Variants in VEPH1 observed in about 807,000 individuals in gnomAD.
VEPH1 encodes ventricular zone expressed PH domain containing 1.
A neutral mutation model predicts 85.2 loss-of-function variants in VEPH1; 80 were observed. The ratio of observed to expected loss-of-function variants is 0.94; its 90% confidence interval spans 0.78 to 1.13. The LOEUF is 1.13. VEPH1 is among the 50% of genes most tolerant of loss of function. The pLI is 0.00. For synonymous variants in VEPH1, 297 were observed against 348.0 expected, an observed-to-expected ratio of 0.85 and a Z score of 1.63; for missense variants, 955 against 980.5, an observed-to-expected ratio of 0.97 and a Z score of 0.35.
chr3:157,352,365 T>G (rs1429463774), intron 9 of VEPH1, among the ~76,000 whole-genome samples: 2 of 152,238 alleles, frequency 1.3e-5, no homozygotes, highest in African/African-American at 4.8e-5. Flanking sequence ...TATAGGCTGC[T>G]TCACGTATTG....
At chr3:157,302,668 A>G (rs1186986821) in intron 11 of VEPH1, among the ~76,000 whole-genome samples, 3 of 152,210 alleles carry the variant, frequency 2.0e-5, no homozygotes, top group Admixed American at 6.5e-5. Context: ...AGTTAATAGT[A>G]TTTTGTTATA....
chr3:157,463,112 G>A (rs1373828788), intron 3 of VEPH1, among the ~76,000 whole-genome samples: 1 of 152,168 alleles, frequency 6.6e-6, no homozygotes, highest in Admixed American at 6.5e-5. Flanking sequence ...TGTGCCTGAG[G>A]CCAGTTATAT....
chr3:157,318,212 G>A (rs112734602), intron 9 of VEPH1, among the ~76,000 whole-genome samples: 6 of 152,286 alleles, frequency 3.9e-5, no homozygotes, highest in African/African-American at 1.4e-4. Flanking sequence ...TGTTTTAGGC[G>A]CTACTATACT....
chr3:157,270,236 C>T (rs769280556), intron 12 of VEPH1, among the ~76,000 whole-genome samples: 43 of 151,438 alleles, frequency 2.8e-4, no homozygotes, highest in Admixed American at 2.0e-3. Context: ...CATGCCACTG[C>T]ACTCCAGCCT....
chr3:157,459,596 G>T (rs977250678), intron 4 of VEPH1: 3 of 1,189,262 alleles, frequency 2.5e-6, no homozygotes, highest in African/African-American at 1.6e-5. Flanking sequence ...TGAAACCAAA[G>T]AAAATAAAAG....
chr3:157,425,829 A>G (rs1732714540), intron 5 of VEPH1, among the ~76,000 whole-genome samples: 1 of 152,100 alleles, frequency 6.6e-6, no homozygotes, highest in Non-Finnish European at 1.5e-5. Flanking sequence ...ATGTAATGTT[A>G]TGGTTTGGCT....
intron 8 of VEPH1, 46 bp downstream of exon 8, chr3:157,364,257 C>T (rs569291625): frequency 4.8e-5 from 70 of 1,444,140 alleles, no homozygotes; most frequent in Middle Eastern, 2.2e-4. Flanking sequence ...AAGCTAATAG[C>T]GAACATGAAG....
chr3:157,279,216 A>T (rs541355380), intron 12 of VEPH1, among the ~76,000 whole-genome samples: 1 of 152,286 alleles, frequency 6.6e-6, no homozygotes, highest in East Asian at 1.9e-4. Context: ...GAAAGGTGGG[A>T]TAAGAAGGAG....
chr3:157,315,653 A>T (rs71310502), intron 10 of VEPH1, among the ~76,000 whole-genome samples: 4 of 152,034 alleles, frequency 2.6e-5, no homozygotes, highest in Non-Finnish European at 4.4e-5. Flanking sequence ...TGGAAAAAGA[A>T]AGAAACCATT....
chr3:157,401,141 GA>G (rs1198978069), intron 6 of VEPH1, among the ~76,000 whole-genome samples: 1 of 152,106 alleles, frequency 6.6e-6, no homozygotes, highest in Non-Finnish European at 1.5e-5. Context: ...TTTAGTAAAT[GA>G]GGTGCAATCT....
intron 6 of VEPH1, among the ~76,000 whole-genome samples, chr3:157,402,255 A>G (rs1324625548): frequency 6.6e-6 from 1 of 152,050 alleles, no homozygotes; most frequent in East Asian, 1.9e-4. Flanking sequence ...CTTACCCCCT[A>G]GCTTTATTTT....
At chr3:157,288,405 C>A (rs961413061) in intron 11 of VEPH1, among the ~76,000 whole-genome samples, 1 of 152,186 alleles carries the variant, frequency 6.6e-6, no homozygotes, top group Non-Finnish European at 1.5e-5. Flanking sequence ...AAGTGGCTAT[C>A]CTGATTGCAT....
At chr3:157,459,965 T>C (rs752962181) in intron 4 of VEPH1, 51 of 1,537,518 alleles carry the variant, frequency 3.3e-5, no homozygotes, top group Admixed American at 7.8e-5. Flanking sequence ...TACAATTCTT[T>C]TAATGAGTCT....
chr3:157,300,819 A>G (rs554850358), intron 11 of VEPH1, among the ~76,000 whole-genome samples: 2 of 152,356 alleles, frequency 1.3e-5, no homozygotes, highest in Non-Finnish European at 2.9e-5. Flanking sequence ...GCCCTCATGT[A>G]TATCTGTTAA....
chr3:157,477,662 G>A (rs541347117), intron 2 of VEPH1, among the ~76,000 whole-genome samples: 215 of 152,246 alleles, frequency 1.4e-3, no homozygotes, highest in African/African-American at 4.8e-3. Flanking sequence ...AAAGTAGAGA[G>A]AATGACTTAT....
chr3:157,335,301 G>A (rs1007792798), intron 9 of VEPH1, among the ~76,000 whole-genome samples: 59 of 152,054 alleles, frequency 3.9e-4, no homozygotes, highest in African/African-American at 1.3e-3. Flanking sequence ...TGGGGGCTGC[G>A]GTGGGAGGAT....
chr3:157,326,978 T>A (rs1316528473), intron 9 of VEPH1, among the ~76,000 whole-genome samples: 1 of 152,142 alleles, frequency 6.6e-6, no homozygotes, highest in Non-Finnish European at 1.5e-5. Flanking sequence ...TGGTCAGCAT[T>A]TCAGAGAATT....
chr3:157,391,534 G>A (rs1560024177), intron 6 of VEPH1, among the ~76,000 whole-genome samples: 1 of 152,190 alleles, frequency 6.6e-6, no homozygotes, highest in Non-Finnish European at 1.5e-5. Flanking sequence ...CAGCGGCATG[G>A]CTGCACAGAC....
At chr3:157,296,977 A>G (rs1718214661) in intron 11 of VEPH1, among the ~76,000 whole-genome samples, 2 of 152,224 alleles carry the variant, frequency 1.3e-5, no homozygotes, top group South Asian at 4.1e-4. Flanking sequence ...AATAAAAAGT[A>G]GTGATAATGG....
Sources: gnomAD v4.1 joint callset for allele counts (sites outside exome capture counted in the v4.1 genomes callset) on GRCh38, gnomAD v4.1.1 for gene constraint, MANE v1.5 for transcripts, NCBI Gene and HGNC (gene_info 2026-07-23, HGNC 2026-07-21) for gene names.